The following SORCS1 variants were observed in gnomAD, a reference collection of about 807,000 sequenced individuals.
SORCS1 encodes VPS10 domain-containing receptor SorCS1.
In SORCS1, 60 loss-of-function variants were observed where a neutral mutation model predicts 146.1. That is an observed-to-expected ratio of 0.41 (90% CI 0.33 to 0.51). SORCS1 has a LOEUF of 0.51. Among genes scored for constraint, SORCS1 ranks in the 20% least tolerant of loss-of-function variants. The pLI is 0.21. For missense variants in SORCS1, 1,352 were observed against 1,487.6 expected (o/e 0.91, Z 1.50); for synonymous variants, 637 against 584.0 (o/e 1.09, Z -1.31).
intron 1 of SORCS1, among the ~76,000 whole-genome samples, chr10:107,159,022 G>T (rs765670484): frequency 1.3e-5 from 2 of 151,888 alleles, no homozygotes; most frequent in Non-Finnish European, 2.9e-5. Context: ...GGGGGGGAAG[G>T]GGGGTCCAAA....
intron 1 of SORCS1, among the ~76,000 whole-genome samples, chr10:107,118,448 G>A (rs1360035035): frequency 6.6e-6 from 1 of 152,094 alleles, no homozygotes; most frequent in African/African-American, 2.4e-5. Context: ...CAGTTGAATG[G>A]GATCATATCA....
At chr10:106,656,995 A>G (rs1412744272) in intron 17 of SORCS1, among the ~76,000 whole-genome samples, 1 of 152,238 alleles carries the variant, frequency 6.6e-6, no homozygotes. Flanking sequence ...TATATGGGGT[A>G]GGAATGTAGA....
At chr10:107,006,229 T>A (rs528888988) in intron 1 of SORCS1, among the ~76,000 whole-genome samples, 2 of 152,218 alleles carry the variant, frequency 1.3e-5, no homozygotes, top group African/African-American at 4.8e-5. Flanking sequence ...GAGGCATGGA[T>A]GACAAAAAGC....
At chr10:106,681,233 G>A (rs1852412487) in intron 10 of SORCS1, among the ~76,000 whole-genome samples, 1 of 152,148 alleles carries the variant, frequency 6.6e-6, no homozygotes, top group Non-Finnish European at 1.5e-5. Context: ...GATGATGTAA[G>A]ACAGGGTAAA....
Position 107,164,424 on chromosome 10 carries a change from C to A in SORCS1, c.103G>T (p.Gly35Cys), listed in dbSNP as rs1969955563. The change falls in exon 1 of 26, where the codon GGC (glycine) becomes TGC (cysteine). Residue 35 changes from glycine (G) to cysteine (C), a missense_variant. By Grantham distance (159) the Gly-to-Cys change is radical. This residue lies in a region of SORCS1 where 490 missense variants were observed against 489.1 expected (regional missense o/e 1.00). Coordinates refer to ENST00000263054, the MANE Select transcript of SORCS1 (RefSeq NM_052918.5). The surrounding 1 kb of genome is among the most constrained non-coding windows in gnomAD (Gnocchi z 6.8). ...ILCAPGVCGG[G>C]SCCPSPHPSS... The stretch of plus-strand genomic sequence containing the variant: ...GGGTGCGGCGAGGGGCAGCAGGAGC[C>A]GCCGCCGCAGACGCCCGGGGCGCAG... The A allele has an allele frequency of 3.6e-6, 5 of 1,407,846 alleles. No homozygotes were observed. The highest frequency in any genetic ancestry group is 3.7e-6 in the Non-Finnish European group (4 of 1,086,280). The allele number at this position is 1,407,846 out of a possible 1,614,324, so 87.2% of individuals were successfully genotyped here.
intron 1 of SORCS1, among the ~76,000 whole-genome samples, chr10:107,137,962 A>T (rs1192872194): frequency 6.6e-6 from 1 of 152,068 alleles, no homozygotes; most frequent in Non-Finnish European, 1.5e-5. Context: ...TATTCTGTTC[A>T]TTACAGGATC....
intron 2 of SORCS1, among the ~76,000 whole-genome samples, chr10:106,906,056 C>T (rs753834757): frequency 3.9e-5 from 6 of 152,096 alleles, no homozygotes; most frequent in East Asian, 1.9e-4. Context: ...TGTATTAGTC[C>T]GTTTTCATGC....
chr10:107,111,832 A>G (rs948631641), intron 1 of SORCS1, among the ~76,000 whole-genome samples: 6 of 152,232 alleles, frequency 3.9e-5, no homozygotes, highest in Non-Finnish European at 7.3e-5. Context: ...GCAAGAGAAA[A>G]GAGACTTGTC....
intron 4 of SORCS1, among the ~76,000 whole-genome samples, chr10:106,775,335 A>G (rs1470946567): frequency 6.6e-6 from 1 of 152,208 alleles, no homozygotes; most frequent in Non-Finnish European, 1.5e-5. Flanking sequence ...AAAATTGTAC[A>G]TTCTGCTGAA....
intron 24 of SORCS1, among the ~76,000 whole-genome samples, chr10:106,580,256 C>T (rs1231504983): frequency 2.0e-5 from 3 of 152,142 alleles, no homozygotes; most frequent in African/African-American, 7.2e-5. Context: ...CCACAATCTC[C>T]CAAAAGCTCT....
intron 1 of SORCS1, among the ~76,000 whole-genome samples, chr10:107,147,492 T>TTC (rs927672815): frequency 1.3e-5 from 2 of 151,850 alleles, no homozygotes; most frequent in Admixed American, 6.6e-5. Context: ...CTACGCTTCT[T>TTC]TCTCTCTCTC....
intron 2 of SORCS1, among the ~76,000 whole-genome samples, chr10:106,885,297 A>G (rs937588287): frequency 6.7e-6 from 1 of 149,888 alleles, no homozygotes; most frequent in Non-Finnish European, 1.5e-5. Context: ...GGGGGGGGGA[A>G]CTTGAAGAAA....
chr10:106,758,905 C>A (rs1043843107), intron 5 of SORCS1, among the ~76,000 whole-genome samples: 14 of 152,274 alleles, frequency 9.2e-5, no homozygotes, highest in Admixed American at 1.3e-4. Flanking sequence ...GCAACAAAAA[C>A]CTCCTTTAGT....
chr10:106,973,693 G>A lies in SORCS1; in HGVS notation c.559-17113C>T, dbSNP rs187651948. On this transcript the variant is annotated intron_variant, in intron 1 of 25. Transcript: ENST00000263054. ...CTTCCATTTTTTTCCCCCTTAAATC[G>A]TCCAAGATTAATGTGGCAAAAATAA... Among the ~76,000 whole-genome samples, 459 of 151,932 alleles carry A rather than the reference G, an allele frequency of 3.0e-3. 15 individuals are homozygous for A. Among genetic ancestry groups the A allele is most frequent in the Admixed American group, 0.028 (422 of 15,258 alleles).
chr10:106,829,359 A>G (rs527624340), intron 3 of SORCS1, among the ~76,000 whole-genome samples: 1 of 152,320 alleles, frequency 6.6e-6, no homozygotes, highest in South Asian at 2.1e-4. Context: ...TGGAAATGGT[A>G]ATGATCTACC....
chr10:107,164,266 T>G lies in SORCS1; in HGVS notation c.261A>C (p.Leu87=). 6.2e-7 allele frequency: 1 copy of G among 1,603,324 alleles called. No individual in the cohort carries two copies. The highest frequency in any genetic ancestry group is 1.1e-5 in the South Asian group (1 of 90,672). The change falls in exon 1 of 26, where the codon CTA becomes CTC. Residue 87 remains leucine (L), a synonymous_variant. Coordinates refer to ENST00000263054, the MANE Select transcript of SORCS1 (RefSeq NM_052918.5). The surrounding 1 kb of genome is among the most constrained non-coding windows in gnomAD (Gnocchi z 6.8). ...CAGTGCCCCGAGCCCGCTCCAGGGATAGCGCTCGGTCCCCGGGGGCCACTG... is the reference window on the plus strand; with the variant it reads ...CAGTGCCCCGAGCCCGCTCCAGGGAGAGCGCTCGGTCCCCGGGGGCCACTG... ...LFSVAPGDRA[L]SLERARGTGA...
chr10:106,606,977 C>T (rs1031906561), intron 23 of SORCS1, among the ~76,000 whole-genome samples, 189 bp downstream of exon 23: 1 of 152,192 alleles, frequency 6.6e-6, no homozygotes, highest in Non-Finnish European at 1.5e-5. Context: ...ATAAATTACC[C>T]AGTCTTGGGT....
chr10:106,928,468 C>A (rs1220442653), intron 2 of SORCS1, among the ~76,000 whole-genome samples: 1 of 152,230 alleles, frequency 6.6e-6, no homozygotes, highest in Non-Finnish European at 1.5e-5. Flanking sequence ...TTTCCGCTCA[C>A]GCCTCTCCCT....
At chr10:106,907,981 G>T (rs574369883) in intron 2 of SORCS1, among the ~76,000 whole-genome samples, 64 of 152,026 alleles carry the variant, frequency 4.2e-4, no homozygotes, top group Non-Finnish European at 7.4e-4. Context: ...AATAGCCACA[G>T]ACCATTATCC....
Sources: gnomAD v4.1 joint callset for allele counts (sites outside exome capture counted in the v4.1 genomes callset) on GRCh38, gnomAD v4.1.1 for gene constraint, gnomAD v4.1.1 regional missense constraint, Gnocchi (gnomAD v3.1) non-coding constraint, MANE v1.5 for transcripts, NCBI Gene and HGNC (gene_info 2026-07-23, HGNC 2026-07-21) for gene names.